The following DIAPH2 variants were observed in gnomAD, a reference collection of about 807,000 sequenced individuals.
The protein encoded by DIAPH2 is diaphanous related formin 2.
Under a neutral mutation model 92.7 loss-of-function variants are expected in DIAPH2, and 35 were observed. That is an observed-to-expected ratio of 0.38 (90% CI 0.29 to 0.50). The LOEUF (loss-of-function observed/expected upper bound fraction) is 0.50, where lower values mean the gene tolerates loss of function less well. DIAPH2 is among the 20% of genes least tolerant of loss of function. The pLI is 0.94. For missense variants in DIAPH2, 701 were observed against 819.5 expected, an observed-to-expected ratio of 0.86 and a Z score of 1.77; for synonymous variants, 301 against 280.4, an observed-to-expected ratio of 1.07 and a Z score of -0.73.
At chrX:97,586,420 G>C (rs1167682677) in intron 26 of DIAPH2, among the ~76,000 whole-genome samples, 3 of 109,188 alleles carry the variant, frequency 2.7e-5, no homozygotes, top group Non-Finnish European at 5.7e-5. Flanking sequence ...CCTAATTATT[G>C]TCTTGTGCTT....
chrX:97,150,103 A>T (rs971452635), intron 22 of DIAPH2, among the ~76,000 whole-genome samples: 3 of 111,523 alleles, frequency 2.7e-5, no homozygotes, highest in African/African-American at 9.8e-5. Context: ...GACTATAATT[A>T]CAGTGTTGTA....
At chrX:97,281,067 A>G (rs1048064705) in intron 23 of DIAPH2, among the ~76,000 whole-genome samples, 1 of 112,225 alleles carries the variant, frequency 8.9e-6, no homozygotes, top group Admixed American at 9.5e-5. Flanking sequence ...TTTTTGCATC[A>G]TGATACGTTT....
At position 97,296,846 on chromosome X, in the gene DIAPH2, C is replaced by T. The variant is rs190054652; in HGVS notation, c.2844+49007C>T. On this transcript the variant is annotated intron_variant, in intron 23 of 26. Coordinates refer to ENST00000324765, the MANE Select transcript of DIAPH2 (RefSeq NM_006729.5). ...AGGCTGGAGTGCAGTGGCATGATCG[C>T]GGCTCACCGCAACCTCTGCCTTTCG... 4.3e-3 allele frequency among the ~76,000 whole-genome samples: 465 copies of T among 107,041 alleles called. 4 individuals are homozygous for T. Among genetic ancestry groups the T allele is most frequent in the African/African-American group, 0.014 (403 of 29,253 alleles). 93.0% of individuals were successfully genotyped at this position (107,041 alleles called of 115,157 possible).
intron 23 of DIAPH2, among the ~76,000 whole-genome samples, chrX:97,266,069 T>C (rs961886011): frequency 8.9e-6 from 1 of 112,068 alleles, no homozygotes; most frequent in African/African-American, 3.2e-5. Context: ...CATGTGTGTG[T>C]ATATATGTAT....
chrX:96,823,219 C>T (rs2064790020), intron 4 of DIAPH2, among the ~76,000 whole-genome samples: 1 of 111,348 alleles, frequency 9.0e-6, no homozygotes. Context: ...TATTTATATT[C>T]ATGCCTAGCA....
intron 23 of DIAPH2, among the ~76,000 whole-genome samples, chrX:97,279,917 T>G (rs1200455083): frequency 9.0e-6 from 1 of 111,711 alleles, no homozygotes; most frequent in Non-Finnish European, 1.9e-5. Context: ...TAAAGTGGAT[T>G]CCCGAATCTC....
chrX:97,539,374 T>C (rs768355246), intron 26 of DIAPH2, among the ~76,000 whole-genome samples: 3 of 111,882 alleles, frequency 2.7e-5, no homozygotes, highest in Non-Finnish European at 5.6e-5. Flanking sequence ...CATAAAACAA[T>C]GTAGTCTTTC....
At chrX:97,388,044 G>A (rs2069618640) in intron 25 of DIAPH2, among the ~76,000 whole-genome samples, 1 of 111,436 alleles carries the variant, frequency 9.0e-6, no homozygotes, top group Non-Finnish European at 1.9e-5. Context: ...AAGTTACAGT[G>A]TACTAGTTTG....
At chrX:97,153,038 A>G (rs2067296558) in intron 22 of DIAPH2, among the ~76,000 whole-genome samples, 1 of 111,806 alleles carries the variant, frequency 8.9e-6, no homozygotes, top group Admixed American at 9.5e-5. Flanking sequence ...TTTTTTGGAC[A>G]TAGTTTGGCC....
At chrX:97,563,826 T>C (rs2071309435) in intron 26 of DIAPH2, among the ~76,000 whole-genome samples, 1 of 110,007 alleles carries the variant, frequency 9.1e-6, no homozygotes, top group East Asian at 2.8e-4. Flanking sequence ...TGGTAACCAT[T>C]CTGTGAAAAA....
chrX:96,937,291 A>G lies in DIAPH2; in HGVS notation c.1148A>G (p.Asn383Ser), dbSNP rs1395608172. The G allele has an allele frequency of 1.7e-6, 2 of 1,173,086 alleles. No individual in the cohort carries two copies. The highest frequency in any genetic ancestry group is 4.4e-5 in the Admixed American group (2 of 45,173). ...ATTCAGTTGAAAGTATTTGATGAAA[A>G]CAAAGAAGATGACCTAACTGAATTA... ...LDIQLKVFDENKEDDLTELSH... is the reference protein window; with the variant it reads ...LDIQLKVFDESKEDDLTELSH... Residue 383 changes from asparagine to serine, a missense_variant, in exon 11 of 27, where the codon AAC becomes AGC. Transcript: ENST00000324765.
At chrX:96,859,954 T>C (rs771265849) in intron 4 of DIAPH2, among the ~76,000 whole-genome samples, 12 of 112,006 alleles carry the variant, frequency 1.1e-4, no homozygotes, top group Non-Finnish European at 2.3e-4. Flanking sequence ...ATTATGTTTT[T>C]GCATATGTAT....
intron 26 of DIAPH2, among the ~76,000 whole-genome samples, chrX:97,461,385 A>G (rs2070457379): frequency 9.0e-6 from 1 of 111,005 alleles, no homozygotes; most frequent in Admixed American, 9.6e-5. Context: ...GTAGGGAGTT[A>G]TTTTTTTTCT....
intron 19 of DIAPH2, among the ~76,000 whole-genome samples, chrX:97,089,487 C>T (rs888877850): frequency 1.8e-5 from 2 of 111,749 alleles, no homozygotes; most frequent in African/African-American, 6.5e-5. Flanking sequence ...AGGATAAACT[C>T]TGCTCAACCA....
At chrX:97,100,145 C>T (rs1043573680) in intron 20 of DIAPH2, among the ~76,000 whole-genome samples, 10 of 109,784 alleles carry the variant, frequency 9.1e-5, no homozygotes, top group African/African-American at 3.3e-4. Context: ...AATTTGGCCT[C>T]CAAAAAGTAG....
At chrX:97,008,555 T>G (rs759926945) in intron 17 of DIAPH2, among the ~76,000 whole-genome samples, 1 of 111,799 alleles carries the variant, frequency 8.9e-6, no homozygotes, top group East Asian at 2.8e-4. Flanking sequence ...GTACCCATCC[T>G]TCTTGGGAAG....
At chrX:97,044,886 A>C (rs1298920554) in intron 17 of DIAPH2, among the ~76,000 whole-genome samples, 1 of 111,748 alleles carries the variant, frequency 8.9e-6, no homozygotes, top group Non-Finnish European at 1.9e-5. Context: ...TTTCATGTTC[A>C]TCATTCCACA....
intron 17 of DIAPH2, among the ~76,000 whole-genome samples, chrX:96,999,598 A>T (rs1602702520): frequency 9.2e-6 from 1 of 108,519 alleles, no homozygotes; most frequent in South Asian, 4.1e-4. Context: ...GTGTCTATGT[A>T]TTTTTCTTTC....
At chrX:97,398,455 A>G (rs1285351089) in intron 25 of DIAPH2, among the ~76,000 whole-genome samples, 1 of 111,160 alleles carries the variant, frequency 9.0e-6, no homozygotes, top group Non-Finnish European at 1.9e-5. Flanking sequence ...AAGCATGTTG[A>G]AAGTATCTAT....
Sources: allele counts gnomAD v4.1 joint callset (sites outside exome capture counted in the v4.1 genomes callset), GRCh38; gene constraint gnomAD v4.1.1; transcripts MANE v1.5; gene names NCBI Gene and HGNC (gene_info 2026-07-23, HGNC 2026-07-21).